TOX3: variants seen among roughly 807,000 people sequenced by gnomAD.
TOX3 encodes the protein TOX high mobility group box family member 3, also known as CAG trinucleotide repeat-containing gene F9 protein.
A neutral mutation model predicts 64.3 loss-of-function variants in TOX3; 22 were observed. The ratio of observed to expected loss-of-function variants is 0.34; its 90% CI spans 0.24 to 0.49. The LOEUF (loss-of-function observed/expected upper bound fraction) is 0.49. TOX3 is among the 20% of genes least tolerant of loss of function. The pLI is 0.99. For synonymous variants in TOX3, 291 were observed against 273.6 expected (o/e 1.06, Z -0.63); for missense variants, 661 against 714.4 (o/e 0.93, Z 0.85).
At chr16:52,543,103 G>C (rs780066703) in intron 1 of TOX3, among the ~76,000 whole-genome samples, 1 of 152,128 alleles carries the variant, frequency 6.6e-6, no homozygotes, top group East Asian at 1.9e-4. Context: ...CTAGTAACTG[G>C]AGTTTAGTCC....
chr16:52,440,486 G>C (rs976574693), intron 6 of TOX3, among the ~76,000 whole-genome samples: 12 of 152,314 alleles, frequency 7.9e-5, no homozygotes, highest in Non-Finnish European at 1.8e-4. Context: ...ACATCATTGA[G>C]CTTTGGGGAT....
At chr16:52,513,172 T>C (rs1022579974) in intron 1 of TOX3, among the ~76,000 whole-genome samples, 19 of 152,142 alleles carry the variant, frequency 1.2e-4, no homozygotes, top group African/African-American at 4.6e-4. Flanking sequence ...AAGAACAATA[T>C]TAAGGGCATA....
Position 52,448,990 on chromosome 16 carries a change from C to T in TOX3, c.678+1287G>A, listed in dbSNP as rs924283769. ...CAAACTAAAACCCAATTTGTCTCTT[C>T]TTCAAATTCCAGTGGATCACCAAAT... On this transcript the variant is annotated intron_variant, in intron 4 of 6. Transcript: ENST00000219746. 2.6e-5 allele frequency among the ~76,000 whole-genome samples: 4 copies of T among 152,230 alleles called. No homozygotes were observed. The South Asian group carries it at 8.3e-4, about 32-fold the overall frequency.
intron 4 of TOX3, among the ~76,000 whole-genome samples, chr16:52,448,350 T>A (rs1284291774): frequency 6.6e-6 from 1 of 152,144 alleles, no homozygotes; most frequent in Non-Finnish European, 1.5e-5. Context: ...CTTTAAGACA[T>A]GACAATTTCA....
chr16:52,515,402 A>G (rs1962428507), intron 1 of TOX3, among the ~76,000 whole-genome samples: 1 of 152,124 alleles, frequency 6.6e-6, no homozygotes, highest in Non-Finnish European at 1.5e-5. Context: ...TGCAGAACAA[A>G]TCATTCCATG....
intron 1 of TOX3, among the ~76,000 whole-genome samples, chr16:52,483,456 C>T (rs1355183623): frequency 6.6e-6 from 1 of 152,038 alleles, no homozygotes; most frequent in East Asian, 1.9e-4. Context: ...TATAATCTCC[C>T]TTCGTGTGCC....
At chr16:52,527,634 C>A (rs975625342) in intron 1 of TOX3, among the ~76,000 whole-genome samples, 4 of 152,160 alleles carry the variant, frequency 2.6e-5, no homozygotes, top group African/African-American at 9.7e-5. Context: ...ATCCAGGAGC[C>A]TCCTTCCCTG....
intron 3 of TOX3, among the ~76,000 whole-genome samples, chr16:52,456,820 T>C (rs940695988): frequency 2.0e-5 from 3 of 152,206 alleles, no homozygotes; most frequent in African/African-American, 7.2e-5. Context: ...ATAGTCAGTG[T>C]GGATACTGGG....
intron 1 of TOX3, among the ~76,000 whole-genome samples, chr16:52,534,408 C>T (rs62043331): frequency 1.3e-5 from 2 of 151,954 alleles, no homozygotes; most frequent in East Asian, 1.9e-4. Flanking sequence ...AGGGCCATGG[C>T]GAGAGGATCA....
chr16:52,537,327 CAT>C (rs1055586985), intron 1 of TOX3, among the ~76,000 whole-genome samples: 9 of 152,134 alleles, frequency 5.9e-5, no homozygotes, highest in African/African-American at 2.2e-4. Flanking sequence ...GAGAAAATCT[CAT>C]ATCCATAGAA....
At chr16:52,538,360 A>G (rs547925687) in intron 1 of TOX3, among the ~76,000 whole-genome samples, 13 of 152,222 alleles carry the variant, frequency 8.5e-5, no homozygotes, top group Non-Finnish European at 1.8e-4. Flanking sequence ...AAGAAACTGT[A>G]GAATTTTTAT....
intron 1 of TOX3, among the ~76,000 whole-genome samples, chr16:52,513,580 T>A (rs1962368743): frequency 6.6e-6 from 1 of 152,186 alleles, no homozygotes; most frequent in Non-Finnish European, 1.5e-5. Flanking sequence ...AAGGGCTGAG[T>A]AAATGTTAGT....
chr16:52,446,324 T>C (rs1960161659), intron 4 of TOX3, 103 bp from the exon 5 acceptor site: 1 of 1,211,276 alleles, frequency 8.3e-7, no homozygotes, highest in Non-Finnish European at 1.1e-6. Flanking sequence ...TTGTTAGGCA[T>C]CATCAACAGA....
Position 52,483,421 on chromosome 16 carries a change from G to A in TOX3, c.88-14847C>T, listed in dbSNP as rs535391553. ...GGAGAGCTGGGAAAACACCACGGGC[G>A]TAACTCATTCCAGCACTGTACAGTT... On this transcript the variant is annotated intron_variant, in intron 1 of 6. Coordinates refer to ENST00000219746, the MANE Select transcript of TOX3 (RefSeq NM_001080430.4). 5.1e-4 allele frequency among the ~76,000 whole-genome samples: 78 copies of A among 152,254 alleles called. 1 individual carries two copies. The highest frequency in any genetic ancestry group is 1.0e-3 in the African/African-American group (43 of 41,546).
At chr16:52,463,293 T>C (rs1960750188) in intron 3 of TOX3, among the ~76,000 whole-genome samples, 1 of 152,182 alleles carries the variant, frequency 6.6e-6, no homozygotes, top group African/African-American at 2.4e-5. Flanking sequence ...GCAGATTTAC[T>C]CTAGTGATTG....
At chr16:52,510,142 G>GT (rs1341510866) in intron 1 of TOX3, among the ~76,000 whole-genome samples, 1 of 131,170 alleles carries the variant, frequency 7.6e-6, no homozygotes, top group Non-Finnish European at 1.6e-5. Flanking sequence ...AAGCCTTGCT[G>GT]TTAAAAAAAA....
At chr16:52,533,767 C>G (rs1962896345) in intron 1 of TOX3, among the ~76,000 whole-genome samples, 1 of 152,128 alleles carries the variant, frequency 6.6e-6, no homozygotes, top group Non-Finnish European at 1.5e-5. Context: ...AGGTGGCACT[C>G]AAAGCGAAGA....
Position 52,438,709 on chromosome 16 carries a change from T to C in TOX3, c.*516A>G, listed in dbSNP as rs1333730734. 1 of 163,120 alleles carries C rather than the reference T, an allele frequency of 6.1e-6. No individual in the cohort carries two copies. The highest frequency in any genetic ancestry group is 1.4e-5 in the Non-Finnish European group (1 of 73,936). The allele number at this position is 163,120 out of a possible 1,614,324, so 10.1% of individuals were successfully genotyped here. ...TGGCAAAAGTCTGTGATTTACATTA[T>C]TTTTTTCATGACAAAAAAATGCCAT... On this transcript the variant is annotated 3_prime_UTR_variant, in exon 7 of 7. Coordinates refer to ENST00000219746, the MANE Select transcript of TOX3 (RefSeq NM_001080430.4).
At chr16:52,468,170 A>G (rs1220304822) in intron 2 of TOX3, among the ~76,000 whole-genome samples, 1 of 152,224 alleles carries the variant, frequency 6.6e-6, no homozygotes, top group African/African-American at 2.4e-5. Context: ...CTAGCCTGGT[A>G]TCTAAAAAAA....
Sources: allele counts gnomAD v4.1 joint callset (sites outside exome capture counted in the v4.1 genomes callset), GRCh38; gene constraint gnomAD v4.1.1; transcripts MANE v1.5; gene names NCBI Gene and HGNC (gene_info 2026-07-23, HGNC 2026-07-21).